Variants in DGKI observed in about 807,000 individuals in gnomAD.
DGKI encodes the protein diacylglycerol kinase iota.
In DGKI, 55 loss-of-function variants were observed where a neutral mutation model predicts 147.5. The ratio of observed to expected loss-of-function variants is 0.37; its 90% CI spans 0.30 to 0.47. The LOEUF is 0.47. Ranked by LOEUF, DGKI falls within the 20% of genes least tolerant of loss-of-function variation. The pLI, the probability that DGKI is intolerant of heterozygous loss-of-function variation, is 1.00. For synonymous variants in DGKI, 469 were observed against 477.1 expected, an observed-to-expected ratio of 0.98 and a Z score of 0.22; for missense variants, 1,007 against 1,323.8, an observed-to-expected ratio of 0.76 and a Z score of 3.71.
intron 9 of DGKI, 116 bp from the exon 10 acceptor site, chr7:137,609,180 T>TTTTTTTTTTTTTTTTTTTTTG: frequency 1.4e-6 from 1 of 711,334 alleles, no homozygotes; most frequent in African/African-American, 1.8e-5. Flanking sequence ...GGCTGACTCT[T>TTTTTTTTTTTTTTTTTTTTTG]AACACGACTT....
intron 2 of DGKI, among the ~76,000 whole-genome samples, chr7:137,687,538 C>T (rs1367665312): frequency 6.6e-6 from 1 of 152,126 alleles, no homozygotes; most frequent in Non-Finnish European, 1.5e-5. Context: ...TAAAGTAATA[C>T]AAGTAATCTA....
At chr7:137,599,791 A>T (rs763208929) in intron 11 of DGKI, 32 bp downstream of exon 11, 13 of 1,601,724 alleles carry the variant, frequency 8.1e-6, no homozygotes, top group Non-Finnish European at 1.1e-5. Flanking sequence ...CCTAAAATAC[A>T]TATGGACCAT....
At chr7:137,807,724 G>A (rs898000952) in intron 1 of DGKI, among the ~76,000 whole-genome samples, 1 of 152,176 alleles carries the variant, frequency 6.6e-6, no homozygotes, top group African/African-American at 2.4e-5. Flanking sequence ...AAAAAATAAT[G>A]GGGCCAGCCT....
At chr7:137,578,147 T>C (rs1281176130) in intron 16 of DGKI, 123 bp downstream of exon 16, 1 of 642,546 alleles carries the variant, frequency 1.6e-6, no homozygotes, top group South Asian at 2.1e-5. Flanking sequence ...ACAGTAACCA[T>C]AGATAGACAT....
intron 19 of DGKI, among the ~76,000 whole-genome samples, chr7:137,563,557 ACTG>A (rs1818487383): frequency 6.6e-6 from 1 of 152,034 alleles, no homozygotes; most frequent in South Asian, 2.1e-4. Flanking sequence ...AAAACAAGCT[ACTG>A]GATCTAATAA....
intron 5 of DGKI, among the ~76,000 whole-genome samples, chr7:137,653,430 A>T (rs1336444710): frequency 3.3e-5 from 5 of 152,182 alleles, no homozygotes; most frequent in Non-Finnish European, 5.9e-5. Context: ...AACTATCCTG[A>T]TGATAAAACA....
At chr7:137,470,273 G>T (rs747175147) in intron 23 of DGKI, among the ~76,000 whole-genome samples, 3 of 152,140 alleles carry the variant, frequency 2.0e-5, no homozygotes, top group Non-Finnish European at 2.9e-5. Context: ...GCATTTTCTA[G>T]GCGTCTCATT....
At chr7:137,601,773 T>C (rs1329712259) in intron 10 of DGKI, among the ~76,000 whole-genome samples, 1 of 152,242 alleles carries the variant, frequency 6.6e-6, no homozygotes, top group African/African-American at 2.4e-5. Flanking sequence ...AGCTCTAAAG[T>C]ATAGCTTATA....
chr7:137,441,943 T>C (rs1038115471), intron 28 of DGKI, among the ~76,000 whole-genome samples: 1 of 152,186 alleles, frequency 6.6e-6, no homozygotes, highest in Non-Finnish European at 1.5e-5. Context: ...ATAGTACACA[T>C]GAGCTCTTAA....
chr7:137,719,430 A>T (rs1013157203), intron 1 of DGKI, among the ~76,000 whole-genome samples: 1 of 151,994 alleles, frequency 6.6e-6, no homozygotes, highest in Non-Finnish European at 1.5e-5. Flanking sequence ...ACACAAACCT[A>T]TCATTTTCTA....
At chr7:137,708,021 C>T (rs73728804) in intron 1 of DGKI, among the ~76,000 whole-genome samples, 5,179 of 152,272 alleles carry the variant, frequency 0.034, 281 homozygotes, top group African/African-American at 0.12. Context: ...CTGAGCCTGA[C>T]AGCAGATATG....
intron 1 of DGKI, among the ~76,000 whole-genome samples, chr7:137,702,563 C>A (rs1210053620): frequency 6.6e-6 from 1 of 152,154 alleles, no homozygotes; most frequent in Non-Finnish European, 1.5e-5. Flanking sequence ...AATAACTAAA[C>A]CTCAATAAGA....
At chr7:137,583,842 G>C (rs1819291305) in intron 14 of DGKI, among the ~76,000 whole-genome samples, 1 of 151,856 alleles carries the variant, frequency 6.6e-6, no homozygotes, top group Non-Finnish European at 1.5e-5. Flanking sequence ...GATGACACTT[G>C]TTGTTTAAAC....
chr7:137,491,868 G>T (rs1372205481), intron 21 of DGKI, among the ~76,000 whole-genome samples: 1 of 152,182 alleles, frequency 6.6e-6, no homozygotes, highest in African/African-American at 2.4e-5. Flanking sequence ...CAGAAGAAGA[G>T]GCCTACGCAG....
Position 137,609,552 on chromosome 7 carries a change from T to C in DGKI, c.1051A>G (p.Ser351Gly), listed in dbSNP as rs1414945733. 1 of 1,612,782 alleles carries C rather than the reference T, an allele frequency of 6.2e-7. No individual in the cohort carries two copies. The highest frequency in any genetic ancestry group is 8.5e-7 in the Non-Finnish European group (1 of 1,179,006). Reference sequence around the variant, plus strand: ...ACACTTACTTCCATCCCTCTTTTACTGGCTTTTCTTTTAAAGCTTGTTCTC... The same window carrying C: ...ACACTTACTTCCATCCCTCTTTTACCGGCTTTTCTTTTAAAGCTTGTTCTC... ...KKRTSFKRKA[S>G]KRGMEQENKG... Residue 351 changes from serine to glycine, a missense_variant, in exon 9 of 33, where the codon AGT (serine) becomes GGT (glycine). Physicochemically the swap from Ser to Gly is moderately conservative, Grantham distance 56 (BLOSUM62 0). This residue lies in a region of DGKI where 259 missense variants were observed against 362.5 expected (regional missense o/e 0.71). Transcript: ENST00000614521.
intron 20 of DGKI, among the ~76,000 whole-genome samples, chr7:137,533,633 A>G (rs1410009225): frequency 6.6e-6 from 1 of 152,126 alleles, no homozygotes; most frequent in Non-Finnish European, 1.5e-5. Flanking sequence ...TGACATAATC[A>G]CGTCCCAATT....
chr7:137,551,102 T>C lies in DGKI; in HGVS notation c.2147+1267A>G, dbSNP rs538826747. ...TGCAAAATGTAAACAAAGAAAGACA[T>C]GTAACTAAAAAACACCTCTGGAAAA... is the stretch of plus-strand genomic sequence containing the variant. On this transcript the variant is annotated intron_variant, in intron 20 of 32. Coordinates refer to ENST00000614521, the MANE Select transcript of DGKI (RefSeq NM_001321708.2). 7.2e-5 allele frequency among the ~76,000 whole-genome samples: 11 copies of C among 152,150 alleles called. No individual in the cohort carries two copies. The South Asian group carries it at 2.3e-3, about 32-fold the overall frequency.
In DGKI at chr7:137,638,468, ATATATGTGTG is replaced by A. The variant is rs1252870599; in HGVS notation, c.804+6994_804+7003del. 2.7e-3 allele frequency among the ~76,000 whole-genome samples: 326 copies of A among 121,470 alleles called. 14 individuals carry two copies. Among genetic ancestry groups the A allele is most frequent in the African/African-American group, 0.01 (295 of 28,678 alleles). The allele number at this position is 121,470 out of a possible 152,430, so 79.7% of individuals were successfully genotyped here. A position where few individuals can be genotyped will look rare whatever the true frequency, so the allele number is the denominator to read the frequency against. On this transcript the variant is annotated intron_variant, in intron 6 of 32. Transcript: ENST00000614521. Reference sequence around the variant, plus strand: ...TACACACACACATATATATGTGTGTATATATGTGTGTATATATATACACACATATATATGT... The same window carrying A: ...TACACACACACATATATATGTGTGTATATATATATACACACATATATATGT...
chr7:137,775,896 T>G (rs1796348697), intron 1 of DGKI, among the ~76,000 whole-genome samples: 1 of 152,174 alleles, frequency 6.6e-6, no homozygotes, highest in Admixed American at 6.5e-5. Flanking sequence ...TTCGCCCTTT[T>G]TGCCCAGGCT....
Sources: allele counts gnomAD v4.1 joint callset (sites outside exome capture counted in the v4.1 genomes callset), GRCh38; gene constraint gnomAD v4.1.1; regional missense constraint gnomAD v4.1.1; transcripts MANE v1.5; gene names NCBI Gene and HGNC (gene_info 2026-07-23, HGNC 2026-07-21).